The following RELN variants were observed in gnomAD, a reference collection of about 807,000 sequenced individuals.
RELN encodes reelin.
In RELN, 108 loss-of-function variants were observed where a neutral mutation model predicts 427.6. The observed-to-expected ratio is 0.25, with a 90% CI of 0.22 to 0.30. The LOEUF (loss-of-function observed/expected upper bound fraction) is 0.30. Ranked by LOEUF, RELN falls within the 10% of genes least tolerant of loss-of-function variation. RELN has a pLI of 1.00. For synonymous variants in RELN, 1,524 were observed against 1,513.4 expected (o/e 1.01, Z -0.16); for missense variants, 3,715 against 4,302.8 (o/e 0.86, Z 3.82).
At chr7:103,666,588 G>A (rs1833272706) in intron 11 of RELN, among the ~76,000 whole-genome samples, 2 of 152,236 alleles carry the variant, frequency 1.3e-5, no homozygotes, top group African/African-American at 4.8e-5. Context: ...CTTGTTGTGA[G>A]CTCAACTTTA....
chr7:103,496,447 T>C, intron 56 of RELN, 79 bp downstream of exon 56: 1 of 1,582,912 alleles, frequency 6.3e-7, no homozygotes, highest in Non-Finnish European at 8.7e-7. Flanking sequence ...TAAATGCTTT[T>C]CATGTGCTAA....
intron 24 of RELN, among the ~76,000 whole-genome samples, chr7:103,599,770 T>C (rs1315907560): frequency 6.6e-6 from 1 of 152,106 alleles, no homozygotes; most frequent in African/African-American, 2.4e-5. Flanking sequence ...GAGAAGAGCT[T>C]TGTGGCTGGA....
chr7:103,580,467 G>A (rs1387863007), intron 28 of RELN, among the ~76,000 whole-genome samples: 2 of 152,144 alleles, frequency 1.3e-5, no homozygotes, highest in African/African-American at 4.8e-5. Flanking sequence ...CAAAGTATTG[G>A]CTCACTTTGT....
At chr7:103,913,796 G>C (rs2116661149) in intron 2 of RELN, among the ~76,000 whole-genome samples, 1 of 151,670 alleles carries the variant, frequency 6.6e-6, no homozygotes, top group African/African-American at 2.4e-5. Context: ...TAATATCCAG[G>C]CATATTATCA....
chr7:103,737,075 T>C (rs902017624), intron 6 of RELN, among the ~76,000 whole-genome samples: 3 of 151,944 alleles, frequency 2.0e-5, no homozygotes, highest in African/African-American at 4.8e-5. Context: ...GATTCATATA[T>C]GATCAAAATA....
intron 2 of RELN, among the ~76,000 whole-genome samples, chr7:103,878,126 G>T (rs1794526478): frequency 6.6e-6 from 1 of 152,030 alleles, no homozygotes. Context: ...CAAAGTGCTG[G>T]GATTACAGGC....
intron 2 of RELN, among the ~76,000 whole-genome samples, chr7:103,915,359 A>AG (rs1297344553): frequency 3.3e-5 from 5 of 152,284 alleles, no homozygotes; most frequent in African/African-American, 1.2e-4. Context: ...GCCAGCCCCT[A>AG]GCAAGGTTTG....
chr7:103,960,127 C>A (rs1181273277), intron 1 of RELN, among the ~76,000 whole-genome samples: 1 of 152,172 alleles, frequency 6.6e-6, no homozygotes, highest in African/African-American at 2.4e-5. Context: ...TTATGTCGTT[C>A]CTTGGCTCAA....
intron 2 of RELN, among the ~76,000 whole-genome samples, chr7:103,867,968 T>C (rs1384899234): frequency 6.6e-6 from 1 of 152,076 alleles, no homozygotes; most frequent in East Asian, 1.9e-4. Context: ...AAAGTCTTTT[T>C]TCCTCCTGGC....
At position 103,910,923 on chromosome 7, in the gene RELN, T is replaced by C. The variant is rs201354993; in HGVS notation, c.337+6152A>G. On this transcript the variant is annotated intron_variant, in intron 2 of 64. Coordinates refer to ENST00000428762, the MANE Select transcript of RELN (RefSeq NM_005045.4). ...CCCTAGAAGAAAACCTAGGCATTAC[T>C]ATTCAGGACATAGGCATGGGCAAGG... Among the ~76,000 whole-genome samples, 503 of 131,008 alleles carry C rather than the reference T, an allele frequency of 3.8e-3. 3 individuals carry two copies. The highest frequency in any genetic ancestry group is 0.013 in the East Asian group (49 of 3,744). 85.9% of individuals were successfully genotyped at this position (131,008 alleles called of 152,430 possible).
At chr7:103,945,933 G>A (rs1796211451) in intron 1 of RELN, among the ~76,000 whole-genome samples, 1 of 152,128 alleles carries the variant, frequency 6.6e-6, no homozygotes, top group South Asian at 2.1e-4. Context: ...CTCCTAGGCT[G>A]CACCATCTAA....
intron 16 of RELN, among the ~76,000 whole-genome samples, chr7:103,644,902 G>T (rs1832767614): frequency 1.3e-5 from 2 of 151,664 alleles, no homozygotes; most frequent in African/African-American, 4.8e-5. Context: ...TATCTGTAAA[G>T]AAAATTCCAT....
chr7:103,918,918 T>A (rs1037843291), intron 1 of RELN, among the ~76,000 whole-genome samples: 5 of 152,114 alleles, frequency 3.3e-5, no homozygotes, highest in Admixed American at 2.6e-4. Flanking sequence ...TGCATAAATT[T>A]TATCAGATGC....
intron 3 of RELN, among the ~76,000 whole-genome samples, chr7:103,813,603 T>C (rs1207175837): frequency 6.6e-6 from 1 of 152,136 alleles, no homozygotes; most frequent in Non-Finnish European, 1.5e-5. Context: ...TGCTTCATTA[T>C]ATGGACATAA....
At chr7:103,611,988 CT>C (rs869178176) in intron 20 of RELN, among the ~76,000 whole-genome samples, 185 bp from the exon 21 acceptor site, 3 of 152,112 alleles carry the variant, frequency 2.0e-5, no homozygotes, top group Admixed American at 6.6e-5. Context: ...AAAGATGAAA[CT>C]TTTTTAAAAA....
In RELN at chr7:103,475,980, TG is replaced by T. The variant is rs568057875; in HGVS notation, c.10286+2408del. Among the ~76,000 whole-genome samples the T allele has an allele frequency of 4.3e-4, 65 of 152,300 alleles. 2 individuals are homozygous for T. In the East Asian group the frequency reaches 0.012, roughly 28 times the overall value. ...GTTGGCCAGGCTGGTGTCGAACTCC[TG>T]GCCTCAAGTGATCCTGTTGCCTTGG... is the stretch of plus-strand genomic sequence containing the variant. On this transcript the variant is annotated intron_variant, in intron 64 of 64. Coordinates refer to ENST00000428762, the MANE Select transcript of RELN (RefSeq NM_005045.4).
chr7:103,507,414 AT>A (rs1361134226), intron 51 of RELN, among the ~76,000 whole-genome samples: 1 of 152,200 alleles, frequency 6.6e-6, no homozygotes, highest in Non-Finnish European at 1.5e-5. Flanking sequence ...AAACTGAACA[AT>A]CTGCTCCTGA....
chr7:103,476,930 TTTTTA>T (rs370588697), intron 64 of RELN, among the ~76,000 whole-genome samples: 17 of 152,242 alleles, frequency 1.1e-4, no homozygotes, highest in African/African-American at 4.1e-4. Context: ...GAGAAAGTAA[TTTTTA>T]TTTTAAGTTC....
chr7:103,709,740 C>T (rs1485733105), intron 8 of RELN, among the ~76,000 whole-genome samples: 1 of 152,142 alleles, frequency 6.6e-6, no homozygotes, highest in Non-Finnish European at 1.5e-5. Flanking sequence ...AACTGATGTG[C>T]ATATGCTGTA....
Sources: gnomAD v4.1 joint callset for allele counts (sites outside exome capture counted in the v4.1 genomes callset) on GRCh38, gnomAD v4.1.1 for gene constraint, MANE v1.5 for transcripts, NCBI Gene and HGNC (gene_info 2026-07-23, HGNC 2026-07-21) for gene names.